PODN: variants seen among roughly 807,000 people sequenced by gnomAD.
PODN encodes podocan.
Under a neutral mutation model 52.7 loss-of-function variants are expected in PODN, and 40 were observed. That is an observed-to-expected ratio of 0.76 (90% CI 0.59 to 0.99). PODN has a LOEUF of 0.99. Ranked by LOEUF, PODN falls within the 50% of genes least tolerant of loss-of-function variation. The pLI is 0.00. For synonymous variants in PODN, 396 were observed against 377.9 expected (o/e 1.05, Z -0.56); for missense variants, 720 against 815.1 (o/e 0.88, Z 1.42).
chr1:53,064,197 A>T (rs1358995488), intron 1 of PODN, among the ~76,000 whole-genome samples: 1 of 152,240 alleles, frequency 6.6e-6, no homozygotes, highest in Non-Finnish European at 1.5e-5. Context: ...TCGTTCATTC[A>T]GCAAACATTT....
At chr1:53,067,915 TAAA>T (rs71844234) in intron 1 of PODN, among the ~76,000 whole-genome samples, 2 of 96,304 alleles carry the variant, frequency 2.1e-5, no homozygotes, top group Non-Finnish European at 4.2e-5. Context: ...GGCCTTGTCT[TAAA>T]AAAAAAAAAA....
chr1:53,081,279 G>A lies in PODN; in HGVS notation c.1661+403G>A, dbSNP rs114253582. Among the ~76,000 whole-genome samples, 1,088 of 152,350 alleles carry A rather than the reference G, an allele frequency of 7.1e-3. 11 individuals are homozygous for A. The highest frequency in any genetic ancestry group is 0.025 in the African/African-American group (1,040 of 41,572). On this transcript the variant is annotated intron_variant, in intron 9 of 10. Transcript: ENST00000312553. ...TGGGGCTAAGAGATGGGGATTTGGA[G>A]TGATTCGGGGGATGCAGCTCCCTGA...
intron 1 of PODN, among the ~76,000 whole-genome samples, chr1:53,065,799 T>C (rs758877136): frequency 1.3e-5 from 2 of 152,196 alleles, no homozygotes; most frequent in Non-Finnish European, 2.9e-5. Flanking sequence ...GAGTGTGAAC[T>C]GTCTTGCCTC....
At chr1:53,082,857 G>A (rs1572281381) in intron 10 of PODN, among the ~76,000 whole-genome samples, 2 of 152,116 alleles carry the variant, frequency 1.3e-5, no homozygotes, top group African/African-American at 2.4e-5. Context: ...ATGTACATAC[G>A]TGCACACACG....
At chr1:53,077,646 C>T (rs1644215117) in intron 6 of PODN, 39 bp from the exon 7 acceptor site, 1 of 1,568,858 alleles carries the variant, frequency 6.4e-7, no homozygotes, top group Non-Finnish European at 8.7e-7. Context: ...TGCCCTCGGC[C>T]CTCCCTCACA....
chr1:53,073,490 T>TG (rs1278039821), intron 3 of PODN: 1 of 152,180 alleles, frequency 6.6e-6, no homozygotes, highest in East Asian at 1.9e-4. Flanking sequence ...TTCTAAGACC[T>TG]GGGGGATGCG....
rs771740036 is a variant in PODN, at chr1:53,071,487, C to T, written c.313-48C>T. ...TGGGTAGGGAATGGAGTCCAGGGCA[C>T]ACCCCACTAGGCTGATGCTGCTTCC... On this transcript the variant is annotated intron_variant, in intron 2 of 10. Transcript: ENST00000312553. 19 of 1,496,368 alleles carry T rather than the reference C, an allele frequency of 1.3e-5. No individual in the cohort carries two copies. The Admixed American group carries it at 2.1e-4, about 17-fold the overall frequency. The allele number at this position is 1,496,368 out of a possible 1,614,324, so 92.7% of individuals were successfully genotyped here.
At chr1:53,068,254 T>C (rs1025751731) in intron 1 of PODN, among the ~76,000 whole-genome samples, 1 of 152,154 alleles carries the variant, frequency 6.6e-6, no homozygotes, top group Non-Finnish European at 1.5e-5. Context: ...CTAGCTCCAG[T>C]CATTAACATC....
At chr1:53,064,966 C>A (rs1010117011) in intron 1 of PODN, among the ~76,000 whole-genome samples, 2 of 152,212 alleles carry the variant, frequency 1.3e-5, no homozygotes, top group Non-Finnish European at 2.9e-5. Flanking sequence ...ACCAGGTGGA[C>A]TTGAAACTCC....
chr1:53,062,256 C>T lies in PODN; in HGVS notation c.-108C>T. 1 of 1,274,728 alleles carries T rather than the reference C, an allele frequency of 7.8e-7. No homozygotes were observed. The allele number at this position is 1,274,728 out of a possible 1,614,324, so 79.0% of individuals were successfully genotyped here. On this transcript the variant is annotated 5_prime_UTR_variant, in exon 1 of 11. Coordinates refer to ENST00000312553, the MANE Select transcript of PODN (RefSeq NM_153703.5). Reference sequence around the variant, plus strand: ...CCGAGCCCGCGGAGCGCAGCTGAGACTGGGGGAGCGCGTTCGGCCTGTGGG... The same window carrying T: ...CCGAGCCCGCGGAGCGCAGCTGAGATTGGGGGAGCGCGTTCGGCCTGTGGG...
chr1:53,065,995 CT>C lies in PODN; in HGVS notation c.-56+3707del, dbSNP rs780284767. On this transcript the variant is annotated intron_variant, in intron 1 of 10. Coordinates refer to ENST00000312553, the MANE Select transcript of PODN (RefSeq NM_153703.5). Reference sequence around the variant, plus strand: ...ATGCAATGCAAAATTTTCTAGAGGTCTTTTTTTTTTTTTTTTTTTTGAGACG... The same window carrying C: ...ATGCAATGCAAAATTTTCTAGAGGTCTTTTTTTTTTTTTTTTTTTGAGACG... 3.4e-3 allele frequency among the ~76,000 whole-genome samples: 396 copies of C among 115,264 alleles called. 3 individuals carry two copies. The highest frequency in any genetic ancestry group is 0.018 in the South Asian group (66 of 3,602). 75.6% of individuals were successfully genotyped at this position (115,264 alleles called of 152,430 possible).
intron 5 of PODN, 23 bp downstream of exon 5, chr1:53,075,994 G>A (rs775472113): frequency 6.5e-7 from 1 of 1,541,418 alleles, no homozygotes; most frequent in Non-Finnish European, 8.8e-7. Flanking sequence ...GGGTGGTCAG[G>A]GCTCGGGCTG....
chr1:53,063,235 C>A, intron 1 of PODN: 1 of 458,102 alleles, frequency 2.2e-6, no homozygotes, highest in Non-Finnish European at 2.9e-6. Context: ...GGAGCAGGCG[C>A]GGCAGCAAGG....
chr1:53,078,598 C>T lies in PODN; in HGVS notation c.1088C>T (p.Thr363Met). 6 of 1,613,070 alleles carry T rather than the reference C, an allele frequency of 3.7e-6. No homozygotes were observed. The highest frequency in any genetic ancestry group is 1.3e-5 in the African/African-American group (1 of 75,074). The change falls in exon 8 of 11, where the codon ACG (threonine) becomes ATG (methionine). Residue 363 changes from threonine (T) to methionine (M), a missense_variant. By Grantham distance (81) the Thr-to-Met change is moderately conservative. Coordinates refer to ENST00000312553, the MANE Select transcript of PODN (RefSeq NM_153703.5). ...LAFQGLKRLHTVHLYNNALER... is the reference protein window; with the variant it reads ...LAFQGLKRLHMVHLYNNALER... ...TTCCAGGGCCTCAAGCGGTTGCACA[C>T]GGTGCACCTGTACAACAACGCGCTG...
At chr1:53,077,137 G>A in intron 5 of PODN, 53 bp from the exon 6 acceptor site, 1 of 1,591,666 alleles carries the variant, frequency 6.3e-7, no homozygotes, top group Non-Finnish European at 8.6e-7. Flanking sequence ...CAGTTGAGCT[G>A]GCGCAGGGCC....
At chr1:53,079,087 C>G (rs1572275774) in intron 8 of PODN, 65 bp downstream of exon 8, 6 of 1,444,552 alleles carry the variant, frequency 4.2e-6, no homozygotes, top group Non-Finnish European at 5.5e-6. Context: ...CTGCCCTGAG[C>G]CCACCTGTCT....
chr1:53,074,651 T>C lies in PODN; in HGVS notation c.452T>C (p.Leu151Pro). ...AFEHLTNLNYLYLANNKLTLA... is the reference protein window; with the variant it reads ...AFEHLTNLNYPYLANNKLTLA... ...GAGCATCTGACCAACCTCAATTACCTGTACTTGGCCAATAACAAGGTGAGG... is the reference window on the plus strand; with the variant it reads ...GAGCATCTGACCAACCTCAATTACCCGTACTTGGCCAATAACAAGGTGAGG... Residue 151 changes from leucine (L) to proline (P), a missense_variant, in exon 4 of 11, where the codon CTG becomes CCG. Leu to Pro is a moderately conservative substitution (Grantham distance 98). Transcript: ENST00000312553. 6.2e-7 allele frequency: 1 copy of C among 1,613,998 alleles called. No individual in the cohort carries two copies. The highest frequency in any genetic ancestry group is 8.5e-7 in the Non-Finnish European group (1 of 1,179,998).
chr1:53,069,821 C>G lies in PODN; in HGVS notation c.-35C>G, dbSNP rs41313375. ...CACAGGTTCCGTCAGCCCTGGCGCC[C>G]AGGCGCATCTGACTCGGCACCCCCT... is the stretch of plus-strand genomic sequence containing the variant. On this transcript the variant is annotated 5_prime_UTR_variant, in exon 2 of 11. Coordinates refer to ENST00000312553, the MANE Select transcript of PODN (RefSeq NM_153703.5). 0.012 allele frequency: 19,255 copies of G among 1,582,476 alleles called. 139 individuals carry two copies. Among genetic ancestry groups the G allele is most frequent in the Non-Finnish European group, 0.014 (16,113 of 1,165,040 alleles).
chr1:53,069,871 G>A lies in PODN; in HGVS notation c.16G>A (p.Val6Met). The change falls in exon 2 of 11, where the codon GTG becomes ATG. Residue 6 changes from valine (V) to methionine (M), a missense_variant. Transcript: ENST00000312553. ...TGCAGGCACCATGGCCCAGAGCCGG[G>A]TGCTGCTGCTCCTGCTGCTGCTGCC... MAQSR[V>M]LLLLLLLPPQ... 1 of 1,569,078 alleles carries A rather than the reference G, an allele frequency of 6.4e-7. No homozygotes were observed. Among genetic ancestry groups the A allele is most frequent in the South Asian group, 1.2e-5 (1 of 86,034 alleles).
Sources: allele counts gnomAD v4.1 joint callset (sites outside exome capture counted in the v4.1 genomes callset), GRCh38; gene constraint gnomAD v4.1.1; transcripts MANE v1.5; gene names NCBI Gene and HGNC (gene_info 2026-07-23, HGNC 2026-07-21).